The following PSAPL1 variants were observed in gnomAD, a reference collection of about 807,000 sequenced individuals.
PSAPL1 encodes prosaposin like 1.
For missense variants in PSAPL1, 814 were observed against 688.8 expected (o/e 1.18, Z -2.03); for synonymous variants, 351 against 291.6 (o/e 1.20, Z -2.08).
Position 7,434,682 on chromosome 4 carries a change from T to C in PSAPL1, c.198A>G (p.Val66=), listed in dbSNP as rs781539651. ...CAGCGGCGGCTGCTATGTCCTGGCA[T>C]ACGTCGCAGGGCAGAGACTTCGCGG... is the stretch of plus-strand genomic sequence containing the variant. ...KPTAKSLPCD[V]CQDIAAAAGN... The change falls in exon 1 of 1, where the codon GTA becomes GTG. Residue 66 remains valine (V), a synonymous_variant. Transcript: ENST00000319098. 1.9e-6 allele frequency: 3 copies of C among 1,612,756 alleles called. No individual in the cohort carries two copies. Among genetic ancestry groups the C allele is most frequent in the Non-Finnish European group, 2.5e-6 (3 of 1,179,552 alleles).
Position 7,430,774 on chromosome 4 carries a change from C to G in PSAPL1, c.*2540G>C, listed in dbSNP as rs961741922. 4 of 152,298 alleles carry G rather than the reference C, an allele frequency of 2.6e-5. No homozygotes were observed. The highest frequency in any genetic ancestry group is 7.2e-5 in the African/African-American group (3 of 41,416). 9.4% of individuals were successfully genotyped at this position (152,298 alleles called of 1,614,324 possible). A position where few individuals can be genotyped will look rare whatever the true frequency, so the allele number is the denominator to read the frequency against. On this transcript the variant is annotated 3_prime_UTR_variant, in exon 1 of 1. Transcript: ENST00000319098. ...TGCTCTTCTCCTGGGCTGGTATCTC[C>G]TCTCCCACAGCTGGACAGTTACAGC...
In PSAPL1 at chr4:7,434,275, A is replaced by G; in HGVS notation, c.605T>C (p.Leu202Ser). 6.2e-7 allele frequency: 1 copy of G among 1,613,226 alleles called. No individual in the cohort carries two copies. The highest frequency in any genetic ancestry group is 1.1e-5 in the South Asian group (1 of 91,046). ...CTGGATGTTCAAGTCGGCCAAGGTC[A>G]AGTTGGACCGGACAGCCTCCTGGAG... ...SRLQEAVRSN[L>S]TLADLNIQEQ... Residue 202 changes from leucine (L) to serine (S), a missense_variant, in exon 1 of 1, where the codon TTG becomes TCG. Physicochemically the swap from Leu to Ser is moderately radical, Grantham distance 145. Coordinates refer to ENST00000319098, the MANE Select transcript of PSAPL1 (RefSeq NM_001085382.2).
chr4:7,430,957 A>G lies in PSAPL1; in HGVS notation c.*2357T>C, dbSNP rs375086275. ...TCCTGCCTCTCTGCCTTTAGACCCC[A>G]AGGCAGCCACTCCCCACGAGCACTT... On this transcript the variant is annotated 3_prime_UTR_variant, in exon 1 of 1. Transcript: ENST00000319098. 1.3e-5 allele frequency: 2 copies of G among 151,648 alleles called. No homozygotes were observed. The highest frequency in any genetic ancestry group is 4.8e-5 in the African/African-American group (2 of 41,282). The allele number at this position is 151,648 out of a possible 1,614,324, so 9.4% of individuals were successfully genotyped here. A position where few individuals can be genotyped will look rare whatever the true frequency, so the allele number is the denominator to read the frequency against.
rs1463960764 is a variant in PSAPL1, at chr4:7,431,645, C to A, written c.*1669G>T. The A allele has an allele frequency of 6.6e-6, 1 of 152,168 alleles. No individual in the cohort carries two copies. The highest frequency in any genetic ancestry group is 2.4e-5 in the African/African-American group (1 of 41,432). The allele number at this position is 152,168 out of a possible 1,614,324, so 9.4% of individuals were successfully genotyped here. On this transcript the variant is annotated 3_prime_UTR_variant, in exon 1 of 1. Coordinates refer to ENST00000319098, the MANE Select transcript of PSAPL1 (RefSeq NM_001085382.2). ...GTTTTGGAGTCTGGTGCAGAGCTGC[C>A]TTCCCATGGCCCATCCGGTGGCCAG... is the stretch of plus-strand genomic sequence containing the variant.
the PSAPL1 span, chr4:7,433,862 CCAAGATGATG>C: frequency 6.2e-7 from 1 of 1,613,926 alleles, no homozygotes; most frequent in Admixed American, 1.7e-5. Flanking sequence ...TAGGTGTCCA[CCAAGATGATG>C]CACTCCTTCG....
chr4:7,434,363 AGGTAAG>A lies in PSAPL1; in HGVS notation c.511_516del (p.Leu171_Thr172del). On this transcript the variant is annotated inframe_deletion, in exon 1 of 1. Transcript: ENST00000319098. The stretch of plus-strand genomic sequence containing the variant: ...CCTTCAGGCGCCTGGCGGGGGTGGA[AGGTAAG>A]GGGCCCATTGGCCATGAACGGAGCC... The A allele has an allele frequency of 6.2e-7, 1 of 1,608,096 alleles. No individual in the cohort carries two copies. The highest frequency in any genetic ancestry group is 2.2e-5 in the East Asian group (1 of 44,708).
chr4:7,433,309 C>T lies in PSAPL1; in HGVS notation c.*5G>A. The T allele has an allele frequency of 7.3e-7, 1 of 1,374,404 alleles. No homozygotes were observed. Among genetic ancestry groups the T allele is most frequent in the Non-Finnish European group, 9.4e-7 (1 of 1,061,258 alleles). The allele number at this position is 1,374,404 out of a possible 1,614,324, so 85.1% of individuals were successfully genotyped here. A position where few individuals can be genotyped will look rare whatever the true frequency, so the allele number is the denominator to read the frequency against. ...TAGCAGGCTCTGGGTCTCTGGCAGC[C>T]ACGGTCACGCGTGTTCCCCAGCGTG... On this transcript the variant is annotated 3_prime_UTR_variant, in exon 1 of 1. Coordinates refer to ENST00000319098, the MANE Select transcript of PSAPL1 (RefSeq NM_001085382.2).
Position 7,433,690 on chromosome 4 carries a change from T to C in PSAPL1, c.1190A>G (p.Asn397Ser). Residue 397 changes from asparagine to serine, a missense_variant, in exon 1 of 1, where the codon AAT (asparagine) becomes AGT (serine). Asn to Ser is a conservative substitution (Grantham distance 46). Coordinates refer to ENST00000319098, the MANE Select transcript of PSAPL1 (RefSeq NM_001085382.2). ...CACCGTGAGCAGCCTCTTGCACCCATTGCAGAAGCTGCCCTGGTTCTCCGC... is the reference window on the plus strand; with the variant it reads ...CACCGTGAGCAGCCTCTTGCACCCACTGCAGAAGCTGCCCTGGTTCTCCGC... Reference protein sequence around the residue: ...WDAENQGSFCNGCKRLLTVSS... With the variant: ...WDAENQGSFCSGCKRLLTVSS... 2 of 1,612,630 alleles carry C rather than the reference T, an allele frequency of 1.2e-6. No homozygotes were observed. The highest frequency in any genetic ancestry group is 1.1e-5 in the South Asian group (1 of 90,948).
chr4:7,431,940 A>G lies in PSAPL1; in HGVS notation c.*1374T>C, dbSNP rs1212272006. The G allele has an allele frequency of 6.6e-6, 1 of 152,236 alleles. No homozygotes were observed. The highest frequency in any genetic ancestry group is 1.9e-4 in the East Asian group (1 of 5,182). The allele number at this position is 152,236 out of a possible 1,614,324, so 9.4% of individuals were successfully genotyped here. On this transcript the variant is annotated 3_prime_UTR_variant, in exon 1 of 1. Transcript: ENST00000319098. ...TTAATCCATGGGCCTCAGGTGAAAT[A>G]CCAGCTTCCACCCCCGGGACTCATG...
At position 7,433,773 on chromosome 4, in the gene PSAPL1, C is replaced by G; in HGVS notation, c.1107G>C (p.Arg369=). Residue 369 remains arginine (R), a synonymous_variant, in exon 1 of 1, where the codon CGG becomes CGC. Coordinates refer to ENST00000319098, the MANE Select transcript of PSAPL1 (RefSeq NM_001085382.2). The stretch of plus-strand genomic sequence containing the variant: ...CATCATGGACTGCCCGGGCCCGCCT[C>G]CGGTTGCCACACAGACGGATGAACT... The part of the protein sequence containing the change: ...VCKFIRLCGN[R]RRARAVHDAY... The G allele has an allele frequency of 6.2e-7, 1 of 1,613,522 alleles. No individual in the cohort carries two copies. The highest frequency in any genetic ancestry group is 8.5e-7 in the Non-Finnish European group (1 of 1,179,824).
rs533605750 is a variant in PSAPL1 at position 7,433,060 on chromosome 4, G to T, written c.*254C>A. On this transcript the variant is annotated 3_prime_UTR_variant, in exon 1 of 1. Transcript: ENST00000319098. ...TCTCAGCCTTGGAGATGAGAGGGCA[G>T]CCTTGGCTGGGTCAGGGAGCGGGGC... The T allele has an allele frequency of 6.3e-5, 21 of 335,922 alleles. No homozygotes were observed. The highest frequency in any genetic ancestry group is 4.2e-4 in the African/African-American group (20 of 47,446). The allele number at this position is 335,922 out of a possible 1,614,324, so 20.8% of individuals were successfully genotyped here. A position where few individuals can be genotyped will look rare whatever the true frequency, so the allele number is the denominator to read the frequency against.
chr4:7,434,151 G>C lies in PSAPL1; in HGVS notation c.729C>G (p.Pro243=). The C allele has an allele frequency of 1.9e-6, 3 of 1,613,930 alleles. No homozygotes were observed. Among genetic ancestry groups the C allele is most frequent in the African/African-American group, 1.3e-5 (1 of 75,072 alleles). ...CCCCCTTCCTGCAGAGCTCCTGCGG[G>C]GGGAGAAGCCTCAGTGCTTGGTCAG... ...VPADQALRLL[P]PQELCRKGGF... is the part of the protein sequence containing the mutation. The change falls in exon 1 of 1, where the codon CCC becomes CCG. Residue 243 remains proline, a synonymous_variant. Coordinates refer to ENST00000319098, the MANE Select transcript of PSAPL1 (RefSeq NM_001085382.2).
rs1727172981 is a variant in PSAPL1 at position 7,434,721 on chromosome 4, T to C, written c.159A>G (p.Val53=). The change falls in exon 1 of 1, where the codon GTA becomes GTG. Residue 53 remains valine, a synonymous_variant. Transcript: ENST00000319098. ...GAGACTTCGCGGTGGGTTTGTTCCA[T>C]ACGGCCCCTTGGCAGTACCCCACAG... ...CGAVGYCQGA[V]WNKPTAKSLP... 25 of 1,613,108 alleles carry C rather than the reference T, an allele frequency of 1.5e-5. No homozygotes were observed. The highest frequency in any genetic ancestry group is 2.0e-5 in the Non-Finnish European group (24 of 1,179,580).
chr4:7,434,214 G>A lies in PSAPL1; in HGVS notation c.666C>T (p.Val222=), dbSNP rs1727112046. Residue 222 remains valine, a synonymous_variant, in exon 1 of 1, where the codon GTC becomes GTT. Coordinates refer to ENST00000319098, the MANE Select transcript of PSAPL1 (RefSeq NM_001085382.2). ...ACTGGAAGAGGTAGTTCTTGCAGAG[G>A]ACGGCCAGGCCAGGCCCCAAGGACT... ...QCESLGPGLA[V]LCKNYLFQFF... 1.9e-6 allele frequency: 3 copies of A among 1,613,602 alleles called. No individual in the cohort carries two copies. Among genetic ancestry groups the A allele is most frequent in the African/African-American group, 2.7e-5 (2 of 74,940 alleles).
In PSAPL1 at chr4:7,433,641, C is replaced by T. The variant is rs61740143; in HGVS notation, c.1239G>A (p.Lys413=). 1.5e-3 allele frequency: 2,435 copies of T among 1,610,618 alleles called. 16 individuals carry two copies. The highest frequency in any genetic ancestry group is 0.015 in the African/African-American group (1,105 of 75,004). Residue 413 remains lysine (K), a synonymous_variant, in exon 1 of 1, where the codon AAG becomes AAA. Transcript: ENST00000319098. ...LTVSSHNLES[K]STKRDILVAF... is the part of the protein sequence containing the mutation. Reference sequence around the variant, plus strand: ...CCACCAGGATGTCTCGCTTGGTGCTCTTGCTCTCCAAGTTGTGGGAGGACA... The same window carrying T: ...CCACCAGGATGTCTCGCTTGGTGCTTTTGCTCTCCAAGTTGTGGGAGGACA...
the PSAPL1 span, chr4:7,434,816 CTG>C: frequency 6.2e-7 from 1 of 1,605,044 alleles, no homozygotes; most frequent in Non-Finnish European, 8.5e-7. Context: ...TCCTGGGGGC[CTG>C]AGGTGGGGCT....
Position 7,434,904 on chromosome 4 carries a change from A to T in PSAPL1, c.-25T>A. 6.6e-7 allele frequency: 1 copy of T among 1,521,080 alleles called. No homozygotes were observed. Among genetic ancestry groups the T allele is most frequent in the South Asian group, 1.3e-5 (1 of 78,990 alleles). 94.2% of individuals were successfully genotyped at this position (1,521,080 alleles called of 1,614,324 possible). ...TGCTGCCCAGGGACTCTCTGGCTCC[A>T]GAGTACCCAGCAGTGGCTGCTGCTA... On this transcript the variant is annotated 5_prime_UTR_variant, in exon 1 of 1. Transcript: ENST00000319098.
Position 7,433,214 on chromosome 4 carries a change from C to T in PSAPL1, c.*100G>A. On this transcript the variant is annotated 3_prime_UTR_variant, in exon 1 of 1. Transcript: ENST00000319098. ...CTTCAGCTCTGCTCCTTCCCAGCCT[C>T]CCTCCTCAGAGCTTCAGTTTTTCAT... The T allele has an allele frequency of 1.6e-6, 2 of 1,233,936 alleles. No homozygotes were observed. Among genetic ancestry groups the T allele is most frequent in the Non-Finnish European group, 2.1e-6 (2 of 958,102 alleles). The allele number at this position is 1,233,936 out of a possible 1,614,324, so 76.4% of individuals were successfully genotyped here. A position where few individuals can be genotyped will look rare whatever the true frequency, so the allele number is the denominator to read the frequency against.
rs1244381088 is a variant in PSAPL1, at chr4:7,433,809, C to T, written c.1071G>A (p.Glu357=). The part of the protein sequence containing the change: ...LVQLVAKITP[E]KVCKFIRLCG... ...ACAGACGGATGAACTTGCACACCTTCTCTGGGGTGATTTTGGCCACAAGCT... is the reference window on the plus strand; with the variant it reads ...ACAGACGGATGAACTTGCACACCTTTTCTGGGGTGATTTTGGCCACAAGCT... Residue 357 remains glutamate (E), a synonymous_variant, in exon 1 of 1, where the codon GAG becomes GAA. Coordinates refer to ENST00000319098, the MANE Select transcript of PSAPL1 (RefSeq NM_001085382.2). The T allele has an allele frequency of 1.2e-6, 2 of 1,613,782 alleles. No individual in the cohort carries two copies. The highest frequency in any genetic ancestry group is 1.1e-5 in the South Asian group (1 of 91,074).
Sources: allele counts gnomAD v4.1 joint callset, GRCh38; gene constraint gnomAD v4.1.1; transcripts MANE v1.5; gene names NCBI Gene and HGNC (gene_info 2026-07-23, HGNC 2026-07-21).